The following WDPCP variants were observed in gnomAD, a reference collection of about 807,000 sequenced individuals.
WDPCP encodes WD repeat containing planar cell polarity effector.
A neutral mutation model predicts 93.1 loss-of-function variants in WDPCP; 71 were observed. The ratio of observed to expected loss-of-function variants is 0.76; its 90% CI spans 0.63 to 0.93. The LOEUF is 0.93. Among genes scored for constraint, WDPCP ranks in the 40% least tolerant of loss-of-function variants. The probability of loss-of-function intolerance (pLI) is 0.00; values close to 1 mark genes in which losing one functional copy is unlikely to be tolerated. For missense variants in WDPCP, 844 were observed against 887.4 expected, an observed-to-expected ratio of 0.95 and a Z score of 0.62; for synonymous variants, 315 against 315.0, an observed-to-expected ratio of 1.00 and a Z score of 0.00.
chr2:63,214,545 C>T (rs1181286247), intron 14 of WDPCP, among the ~76,000 whole-genome samples: 54 of 152,128 alleles, frequency 3.5e-4, no homozygotes, highest in Non-Finnish European at 1.5e-5. Context: ...TGGAAGCATT[C>T]CCTTTGAAAA....
In WDPCP at chr2:63,191,216, C is replaced by T. The variant is rs370271190; in HGVS notation, c.1916-16384G>A. On this transcript the variant is annotated intron_variant, in intron 14 of 17. Transcript: ENST00000272321. ...GACCGTCCTGGATAACACGGTGAAA[C>T]CCTGTGTCTACTAAAAATTACAAAT... Among the ~76,000 whole-genome samples the T allele has an allele frequency of 2.0e-5, 3 of 152,044 alleles. No homozygotes were observed. The East Asian group carries it at 5.8e-4, about 29-fold the overall frequency.
chr2:63,559,617 T>C (rs1255752762), intron 1 of WDPCP, among the ~76,000 whole-genome samples: 2 of 152,130 alleles, frequency 1.3e-5, no homozygotes, highest in Non-Finnish European at 2.9e-5. Flanking sequence ...CAACCATTCC[T>C]ATACACCAAC....
intron 2 of WDPCP, among the ~76,000 whole-genome samples, chr2:63,808,676 T>C (rs1370512204): frequency 6.6e-6 from 1 of 152,174 alleles, no homozygotes; most frequent in Non-Finnish European, 1.5e-5. Flanking sequence ...TGCAGTGGCG[T>C]GATCTCGGCT....
At chr2:63,420,482 C>T (rs996875198) in intron 9 of WDPCP, among the ~76,000 whole-genome samples, 4 of 150,454 alleles carry the variant, frequency 2.7e-5, no homozygotes, top group African/African-American at 4.9e-5. Context: ...TGTGGTGAGC[C>T]GACACGGCAC....
chr2:63,828,949 A>C (rs897273973), upstream of WDPCP, among the ~76,000 whole-genome samples: 2 of 152,172 alleles, frequency 1.3e-5, no homozygotes, highest in Non-Finnish European at 2.9e-5. Context: ...TTTTGTTAGA[A>C]AATATGTATA....
chr2:63,619,341 T>C (rs1473159402), intron 3 of WDPCP, among the ~76,000 whole-genome samples: 2 of 152,220 alleles, frequency 1.3e-5, no homozygotes, highest in African/African-American at 4.8e-5. Context: ...CAACCTTCTT[T>C]ACCTTCATAT....
At chr2:63,599,438 T>A in intron 3 of WDPCP, 1 of 772,952 alleles carries the variant, frequency 1.3e-6, no homozygotes, top group Non-Finnish European at 1.9e-6. Context: ...AAAAGTAAAT[T>A]ATTATTCATT....
upstream of WDPCP, chr2:63,591,116 C>A (rs1373567416): frequency 6.6e-6 from 1 of 152,206 alleles, no homozygotes; most frequent in Non-Finnish European, 1.5e-5. Context: ...ACAGAGCCTG[C>A]ATCTGCAGGA....
At chr2:63,166,967 T>C (rs1053389861) in intron 15 of WDPCP, among the ~76,000 whole-genome samples, 4 of 152,182 alleles carry the variant, frequency 2.6e-5, no homozygotes, top group African/African-American at 9.7e-5. Context: ...CAGCCTCTGG[T>C]AACCATTATT....
intron 12 of WDPCP, among the ~76,000 whole-genome samples, chr2:63,320,145 TAGC>T (rs901206000): frequency 4.0e-5 from 6 of 151,862 alleles, no homozygotes; most frequent in Admixed American, 1.3e-4. Context: ...AAAAAAACAA[TAGC>T]AGAATAATCT....
rs568854359 is a variant in WDPCP, at chr2:63,578,753, A to G, written c.75+9444T>C. ...AATTAAGTTAGGTTATTGATAAAAC[A>G]CTAGAATTAAGATCTGTGGACTGCC... is the stretch of plus-strand genomic sequence containing the variant. On this transcript the variant is annotated intron_variant, in intron 1 of 17. Coordinates refer to ENST00000272321, the MANE Select transcript of WDPCP (RefSeq NM_015910.7). 2.6e-5 allele frequency among the ~76,000 whole-genome samples: 4 copies of G among 152,342 alleles called. 1 individual carries two copies. The highest frequency in any genetic ancestry group is 9.6e-5 in the African/African-American group (4 of 41,582).
chr2:63,327,208 T>C (rs927607293), intron 12 of WDPCP, among the ~76,000 whole-genome samples: 3 of 152,054 alleles, frequency 2.0e-5, no homozygotes, highest in Non-Finnish European at 2.9e-5. Flanking sequence ...CTTAGGAAAA[T>C]TGCCTAATAA....
intron 14 of WDPCP, among the ~76,000 whole-genome samples, chr2:63,215,198 G>A (rs1324353119): frequency 6.6e-6 from 1 of 152,142 alleles, no homozygotes; most frequent in East Asian, 1.9e-4. Context: ...AAAGCTGGAG[G>A]CATCATGCTA....
At chr2:63,296,807 G>A (rs1684900418) in intron 13 of WDPCP, among the ~76,000 whole-genome samples, 1 of 152,038 alleles carries the variant, frequency 6.6e-6, no homozygotes, top group Non-Finnish European at 1.5e-5. Flanking sequence ...CAAAAAAAAT[G>A]GGAAAACATT....
intron 9 of WDPCP, among the ~76,000 whole-genome samples, chr2:63,411,049 A>T (rs1303595070): frequency 6.6e-6 from 1 of 152,076 alleles, no homozygotes; most frequent in East Asian, 1.9e-4. Flanking sequence ...TGGACTTAAC[A>T]TACAGAACAT....
At chr2:63,564,627 G>T (rs1343372466) in intron 1 of WDPCP, 1 of 151,998 alleles carries the variant, frequency 6.6e-6, no homozygotes, top group Non-Finnish European at 1.5e-5. Flanking sequence ...TCAATCAACT[G>T]AAATGAAAAA....
intron 1 of WDPCP, among the ~76,000 whole-genome samples, chr2:63,822,009 A>G (rs960206203): frequency 1.5e-4 from 23 of 152,296 alleles, no homozygotes; most frequent in Admixed American, 4.6e-4. Context: ...AAACAATTCA[A>G]TGTTTTATTA....
chr2:63,735,565 A>T (rs1182275954), intron 2 of WDPCP, among the ~76,000 whole-genome samples: 2 of 152,150 alleles, frequency 1.3e-5, no homozygotes, highest in Non-Finnish European at 2.9e-5. Flanking sequence ...AAGGTTTTTG[A>T]GCAGGGAAGT....
At chr2:63,622,570 G>C (rs1168423543) in intron 3 of WDPCP, 1 of 1,613,752 alleles carries the variant, frequency 6.2e-7, no homozygotes, top group Non-Finnish European at 8.5e-7. Flanking sequence ...TGATTCTGTG[G>C]GTCCACAATA....
Sources: gnomAD v4.1 joint callset for allele counts (sites outside exome capture counted in the v4.1 genomes callset) on GRCh38, gnomAD v4.1.1 for gene constraint, MANE v1.5 for transcripts, NCBI Gene and HGNC (gene_info 2026-07-23, HGNC 2026-07-21) for gene names.